Variants in PAM observed in about 807,000 individuals in gnomAD.
PAM encodes peptidyl-glycine alpha-amidating monooxygenase.
PAM carries 72 observed loss-of-function variants against 122.1 expected under a neutral mutation model. The observed-to-expected ratio is 0.59, with a 90% CI of 0.49 to 0.72. The LOEUF is 0.72. Among genes scored for constraint, PAM ranks in the 30% least tolerant of loss-of-function variants. PAM has a pLI of 0.00. For missense variants in PAM, 1,106 were observed against 1,183.7 expected (o/e 0.93, Z 0.96); for synonymous variants, 389 against 404.4 (o/e 0.96, Z 0.46).
At chr5:102,769,848 T>C (rs1437605772) in intron 1 of PAM, among the ~76,000 whole-genome samples, 2 of 152,150 alleles carry the variant, frequency 1.3e-5, no homozygotes, top group African/African-American at 2.4e-5. Context: ...CTTTTGTGAA[T>C]ACATATAAAT....
At chr5:102,945,533 A>G (rs559886768) in intron 7 of PAM, among the ~76,000 whole-genome samples, 150 of 152,012 alleles carry the variant, frequency 9.9e-4, no homozygotes, top group African/African-American at 3.4e-3. Flanking sequence ...TTCAAATTCA[A>G]TCCTCTTACC....
intron 1 of PAM, among the ~76,000 whole-genome samples, chr5:102,855,906 A>G (rs947593398): frequency 5.9e-5 from 9 of 152,284 alleles, no homozygotes; most frequent in Middle Eastern, 3.4e-3. Flanking sequence ...AACTAGTAAC[A>G]CAAAGACCCA....
chr5:102,881,275 G>A (rs543122665), intron 3 of PAM, among the ~76,000 whole-genome samples: 7 of 151,774 alleles, frequency 4.6e-5, no homozygotes, highest in Admixed American at 6.6e-5. Context: ...AAGAAGACAA[G>A]CAGCCCAAAA....
chr5:102,831,720 T>C (rs971485654), intron 1 of PAM, among the ~76,000 whole-genome samples: 4 of 152,198 alleles, frequency 2.6e-5, no homozygotes, highest in Admixed American at 6.5e-5. Flanking sequence ...TTTCTAACAA[T>C]GATGATTACT....
At chr5:102,856,642 G>A (rs115392134) in intron 1 of PAM, among the ~76,000 whole-genome samples, 1,815 of 152,206 alleles carry the variant, frequency 0.012, 50 homozygotes, top group African/African-American at 0.042. Context: ...AGGGCTGAGC[G>A]ATTTGATGAC....
At chr5:103,017,026 C>T (rs531643377) in intron 21 of PAM, among the ~76,000 whole-genome samples, 6 of 152,032 alleles carry the variant, frequency 3.9e-5, no homozygotes, top group East Asian at 1.9e-4. Flanking sequence ...AATGCAACAC[C>T]AAGTAAACAG....
intron 3 of PAM, among the ~76,000 whole-genome samples, chr5:102,877,585 C>G (rs1032297511): frequency 1.3e-5 from 2 of 152,096 alleles, no homozygotes; most frequent in Non-Finnish European, 2.9e-5. Context: ...TCTAGAAATA[C>G]GGCTGTAAAC....
At chr5:103,007,932 T>G (rs972679117) in intron 20 of PAM, among the ~76,000 whole-genome samples, 1 of 152,132 alleles carries the variant, frequency 6.6e-6, no homozygotes, top group African/African-American at 2.4e-5. Context: ...TTAATTATGA[T>G]CATCTGCTCC....
intron 2 of PAM, 132 bp from the exon 3 acceptor site, chr5:102,867,141 T>C: frequency 1.8e-6 from 1 of 568,854 alleles, no homozygotes. Context: ...TGTGTAGTCA[T>C]CACATCTTTA....
rs185148075 is a variant in PAM, at chr5:102,771,370, G to T, written c.-374+16022G>T. On this transcript the variant is annotated intron_variant, in intron 1 of 25. Transcript: ENST00000438793. ...TTTCAAAGTGAAAACAAACCCATTT[G>T]CCAAGTGGGAATGAAATTGAAGTTT... 2.3e-3 allele frequency among the ~76,000 whole-genome samples: 349 copies of T among 152,174 alleles called. 2 individuals carry two copies. Among genetic ancestry groups the T allele is most frequent in the Admixed American group, 5.1e-3 (78 of 15,256 alleles).
chr5:102,844,632 A>G (rs1170999589), intron 1 of PAM, among the ~76,000 whole-genome samples: 1 of 152,140 alleles, frequency 6.6e-6, no homozygotes, highest in African/African-American at 2.4e-5. Context: ...ACACCACTGC[A>G]CTCCAGCCTG....
chr5:102,926,479 A>G (rs559588452), intron 6 of PAM, 106 bp from the exon 7 acceptor site: 1 of 670,404 alleles, frequency 1.5e-6, no homozygotes. Flanking sequence ...ATATAATTTT[A>G]TATGTTATAT....
At chr5:102,986,228 A>C (rs1771777421) in intron 15 of PAM, among the ~76,000 whole-genome samples, 1 of 152,156 alleles carries the variant, frequency 6.6e-6, no homozygotes, top group Non-Finnish European at 1.5e-5. Flanking sequence ...AGAAGTTCTA[A>C]CCAAAGCAGT....
chr5:102,942,586 A>AT (rs556042211), intron 7 of PAM, among the ~76,000 whole-genome samples: 9,508 of 145,716 alleles, frequency 0.065, 364 homozygotes, highest in African/African-American at 0.1. Context: ...AATTTTCTAA[A>AT]TTTTTTTTTT....
At chr5:102,970,235 G>A (rs1057272456) in intron 14 of PAM, among the ~76,000 whole-genome samples, 10 of 152,088 alleles carry the variant, frequency 6.6e-5, no homozygotes, top group South Asian at 6.2e-4. Flanking sequence ...GTAAACACTA[G>A]GTGAAAATAT....
chr5:102,792,119 A>G (rs1762203379), intron 1 of PAM, among the ~76,000 whole-genome samples: 2 of 151,942 alleles, frequency 1.3e-5, no homozygotes, highest in African/African-American at 4.8e-5. Context: ...AGAGCCATTT[A>G]TTGTTTGGGG....
intron 1 of PAM, among the ~76,000 whole-genome samples, chr5:102,833,828 AT>A (rs1776147233): frequency 6.6e-6 from 1 of 152,088 alleles, no homozygotes; most frequent in African/African-American, 2.4e-5. Flanking sequence ...AGGAAGCCAC[AT>A]TTTCTGAGAA....
chr5:103,010,619 G>T (rs1350034817), intron 21 of PAM, among the ~76,000 whole-genome samples: 1 of 152,136 alleles, frequency 6.6e-6, no homozygotes, highest in Non-Finnish European at 1.5e-5. Context: ...AACATGTAAA[G>T]ATTCATTGGT....
Position 103,007,547 on chromosome 5 carries a change from A to C in PAM, c.2105A>C (p.Asp702Ala), listed in dbSNP as rs1368884890. ...CTTTTGGGCCAATTATGTGTGGCAG[A>C]CCGGGAAAATGGTCGGATCCAGTGT... ...VPLLGQLCVA[D>A]RENGRIQCFK... Residue 702 changes from aspartate to alanine, a missense_variant, in exon 20 of 26, where the codon GAC becomes GCC. Asp to Ala is a moderately radical substitution (Grantham distance 126). Around this residue, in one of 3 missense-constraint regions of PAM, gnomAD observed 333 missense variants for 335.6 expected, o/e 0.99. Transcript: ENST00000438793. 1 of 1,614,050 alleles carries C rather than the reference A, an allele frequency of 6.2e-7. No homozygotes were observed. Among genetic ancestry groups the C allele is most frequent in the Admixed American group, 1.7e-5 (1 of 60,006 alleles).
Sources: allele counts gnomAD v4.1 joint callset (sites outside exome capture counted in the v4.1 genomes callset), GRCh38; gene constraint gnomAD v4.1.1; regional missense constraint gnomAD v4.1.1; transcripts MANE v1.5; gene names NCBI Gene and HGNC (gene_info 2026-07-23, HGNC 2026-07-21).